The following SLC17A8 variants were observed in gnomAD, a reference collection of about 807,000 sequenced individuals.
SLC17A8 encodes solute carrier family 17 member 8.
In SLC17A8, 31 loss-of-function variants were observed where a neutral mutation model predicts 58.0. The observed-to-expected ratio is 0.53, with a 90% CI of 0.40 to 0.72. SLC17A8 has a LOEUF of 0.72. SLC17A8 is among the 30% of genes least tolerant of loss of function. The pLI, the probability that SLC17A8 is intolerant of heterozygous loss-of-function variation, is 0.00. For missense variants in SLC17A8, 655 were observed against 727.8 expected, an observed-to-expected ratio of 0.90 and a Z score of 1.15; for synonymous variants, 228 against 249.0, an observed-to-expected ratio of 0.92 and a Z score of 0.79.
intron 1 of SLC17A8, among the ~76,000 whole-genome samples, chr12:100,380,268 T>C (rs1013685345): frequency 6.6e-6 from 1 of 150,836 alleles, no homozygotes; most frequent in African/African-American, 2.4e-5. Flanking sequence ...TCGAGCAATG[T>C]GAACAAAGTC....
chr12:100,382,067 G>A (rs1031297668), intron 2 of SLC17A8, among the ~76,000 whole-genome samples: 74 of 152,212 alleles, frequency 4.9e-4, no homozygotes, highest in Admixed American at 2.0e-3. Flanking sequence ...TCCCATCCAA[G>A]TTCTCAGATG....
chr12:100,357,586 T>C, intron 1 of SLC17A8, 94 bp downstream of exon 1: 1 of 836,346 alleles, frequency 1.2e-6, no homozygotes, highest in East Asian at 2.5e-5. Context: ...AACCACACTT[T>C]AATGAGGAGA....
intron 10 of SLC17A8, 102 bp from the exon 11 acceptor site, chr12:100,417,927 A>T (rs1386215947): frequency 2.7e-6 from 4 of 1,480,282 alleles, no homozygotes; most frequent in Non-Finnish European, 2.8e-6. Flanking sequence ...ATACTAGAGG[A>T]AACCAAACAG....
chr12:100,402,985 A>G (rs929099546), intron 8 of SLC17A8, among the ~76,000 whole-genome samples: 3 of 152,128 alleles, frequency 2.0e-5, no homozygotes, highest in African/African-American at 7.2e-5. Context: ...GTTGTACCCA[A>G]TCTTAGAGTG....
At chr12:100,358,295 A>C (rs1217899172) in intron 1 of SLC17A8, among the ~76,000 whole-genome samples, 1 of 152,214 alleles carries the variant, frequency 6.6e-6, no homozygotes, top group African/African-American at 2.4e-5. Flanking sequence ...ATAAATGTGA[A>C]AAATAACTTT....
At chr12:100,359,902 C>A (rs760655143) in intron 1 of SLC17A8, among the ~76,000 whole-genome samples, 2 of 152,174 alleles carry the variant, frequency 1.3e-5, no homozygotes, top group African/African-American at 4.8e-5. Flanking sequence ...TTTGTAGGAG[C>A]TTTTGGAAGC....
intron 1 of SLC17A8, among the ~76,000 whole-genome samples, chr12:100,368,601 G>A (rs1171565963): frequency 1.3e-5 from 2 of 152,026 alleles, no homozygotes; most frequent in Admixed American, 6.6e-5. Context: ...GTACATTCAG[G>A]ATCCATTCCC....
intron 1 of SLC17A8, among the ~76,000 whole-genome samples, chr12:100,377,236 T>C (rs1425845897): frequency 2.0e-5 from 3 of 152,186 alleles, no homozygotes; most frequent in Non-Finnish European, 4.4e-5. Flanking sequence ...ATGGCATCAA[T>C]GCTAAGTCTA....
Position 100,412,781 on chromosome 12 carries a change from G to A in SLC17A8, c.1198G>A (p.Glu400Lys). ...KIMNCGGFGM[E>K]ATLLLVVGFS... is the part of the protein sequence containing the mutation. ...GTTTCCATTTGCAGGTTTTGGCATG[G>A]AGGCAACCTTACTCCTGGTGGTTGG... is the stretch of plus-strand genomic sequence containing the variant. The change falls in exon 10 of 12, where the codon GAG becomes AAG. Residue 400 changes from glutamate to lysine, a missense_variant. By Grantham distance (56) the Glu-to-Lys change is moderately conservative. Coordinates refer to ENST00000323346, the MANE Select transcript of SLC17A8 (RefSeq NM_139319.3). The A allele has an allele frequency of 6.2e-7, 1 of 1,613,794 alleles. No individual in the cohort carries two copies. Among genetic ancestry groups the A allele is most frequent in the Non-Finnish European group, 8.5e-7 (1 of 1,179,754 alleles).
rs771662342 is a variant in SLC17A8, at chr12:100,420,005, T to C, written c.1616T>C (p.Phe539Ser). ...GAGATAGAACTCAACCATGAGAGTTTTGCGAGTCCCAAAAAGAAGATGTCT... is the reference window on the plus strand; with the variant it reads ...GAGATAGAACTCAACCATGAGAGTTCTGCGAGTCCCAAAAAGAAGATGTCT... ...AEEIELNHES[F>S]ASPKKKMSYG... The change falls in exon 12 of 12, where the codon TTT (phenylalanine) becomes TCT (serine). Residue 539 changes from phenylalanine (F) to serine (S), a missense_variant. Physicochemically the swap from Phe to Ser is radical, Grantham distance 155. Coordinates refer to ENST00000323346, the MANE Select transcript of SLC17A8 (RefSeq NM_139319.3). 1.2e-6 allele frequency: 2 copies of C among 1,613,988 alleles called. No homozygotes were observed. Among genetic ancestry groups the C allele is most frequent in the East Asian group, 2.2e-5 (1 of 44,870 alleles).
intron 1 of SLC17A8, among the ~76,000 whole-genome samples, chr12:100,375,047 G>A (rs181580688): frequency 5.4e-4 from 82 of 151,260 alleles, no homozygotes; most frequent in Middle Eastern, 3.4e-3. Flanking sequence ...GGAAAGTCTC[G>A]GGATGTCTAA....
chr12:100,366,190 T>A (rs1270254085), intron 1 of SLC17A8, among the ~76,000 whole-genome samples: 2 of 152,124 alleles, frequency 1.3e-5, no homozygotes, highest in Non-Finnish European at 2.9e-5. Flanking sequence ...AATACTGTTT[T>A]TGATTTATCT....
At chr12:100,378,081 A>G (rs561187766) in intron 1 of SLC17A8, among the ~76,000 whole-genome samples, 5 of 152,320 alleles carry the variant, frequency 3.3e-5, no homozygotes, top group Non-Finnish European at 5.9e-5. Flanking sequence ...TAGCATATAC[A>G]TGGTATCTAA....
intron 1 of SLC17A8, among the ~76,000 whole-genome samples, chr12:100,375,685 A>G (rs555587388): frequency 2.1e-4 from 32 of 152,376 alleles, no homozygotes; most frequent in African/African-American, 7.5e-4. Context: ...GCATGTATAT[A>G]GAGAGCGCTA....
intron 2 of SLC17A8, 70 bp from the exon 3 acceptor site, chr12:100,390,931 G>A: frequency 6.2e-6 from 6 of 967,726 alleles, no homozygotes; most frequent in Non-Finnish European, 1.0e-5. Context: ...TATTGTGTAG[G>A]CTCATTGGTA....
intron 1 of SLC17A8, among the ~76,000 whole-genome samples, chr12:100,378,394 G>C (rs2135982837): frequency 6.6e-6 from 1 of 152,244 alleles, no homozygotes; most frequent in Admixed American, 6.5e-5. Flanking sequence ...GGGCAGTTTT[G>C]GGGGCTCAGG....
chr12:100,410,904 C>T (rs1268797920), intron 9 of SLC17A8, among the ~76,000 whole-genome samples: 4 of 152,150 alleles, frequency 2.6e-5, no homozygotes, highest in Admixed American at 6.5e-5. Context: ...ACACTCAGTA[C>T]CTCATATACC....
intron 4 of SLC17A8, among the ~76,000 whole-genome samples, chr12:100,395,701 C>G (rs896057549): frequency 5.3e-5 from 8 of 152,128 alleles, no homozygotes; most frequent in Non-Finnish European, 1.0e-4. Flanking sequence ...CAATCTCTGC[C>G]TCCTGGGTTC....
chr12:100,386,730 C>A (rs1952677528), intron 2 of SLC17A8, among the ~76,000 whole-genome samples: 1 of 148,464 alleles, frequency 6.7e-6, no homozygotes, highest in Admixed American at 6.8e-5. Flanking sequence ...ACTCTGTCAC[C>A]CAGGCTGGAG....
Sources: allele counts gnomAD v4.1 joint callset (sites outside exome capture counted in the v4.1 genomes callset), GRCh38; gene constraint gnomAD v4.1.1; transcripts MANE v1.5; gene names NCBI Gene and HGNC (gene_info 2026-07-23, HGNC 2026-07-21).